The following NME7 variants were observed in gnomAD, a reference collection of about 807,000 sequenced individuals.
NME7 encodes nucleoside diphosphate kinase 7.
A neutral mutation model predicts 49.1 loss-of-function variants in NME7; 41 were observed. That is an observed-to-expected ratio of 0.83 (90% confidence interval 0.65 to 1.08). NME7 has a LOEUF of 1.08. NME7 is among the 50% of genes least tolerant of loss of function. The probability of loss-of-function intolerance (pLI) is 0.00; values close to 1 mark genes in which losing one functional copy is unlikely to be tolerated. For synonymous variants in NME7, 139 were observed against 150.6 expected (o/e 0.92, Z 0.56); for missense variants, 423 against 463.4 (o/e 0.91, Z 0.80).
chr1:169,327,283 G>C (rs977251179), intron 1 of NME7, among the ~76,000 whole-genome samples: 3 of 152,136 alleles, frequency 2.0e-5, no homozygotes, highest in African/African-American at 7.2e-5. Flanking sequence ...TCTATCAAAA[G>C]TACTTTATGA....
intron 10 of NME7, among the ~76,000 whole-genome samples, chr1:169,212,404 C>T (rs889768116): frequency 6.6e-6 from 1 of 151,958 alleles, no homozygotes; most frequent in Non-Finnish European, 1.5e-5. Flanking sequence ...AATTTACCTA[C>T]TCACTGAAAT....
intron 9 of NME7, 145 bp downstream of exon 9, chr1:169,234,986 T>C (rs987194859): frequency 2.0e-5 from 8 of 409,320 alleles, no homozygotes; most frequent in East Asian, 1.5e-4. Flanking sequence ...ACCTAGGTCG[T>C]TGACACAGAA....
intron 11 of NME7, among the ~76,000 whole-genome samples, chr1:169,134,256 G>C (rs1298666056): frequency 1.3e-5 from 2 of 152,154 alleles, no homozygotes; most frequent in African/African-American, 4.8e-5. Flanking sequence ...TCATATTCTA[G>C]TGTTAACCAT....
intron 11 of NME7, among the ~76,000 whole-genome samples, chr1:169,151,620 C>T (rs1027072134): frequency 1.1e-4 from 16 of 152,206 alleles, no homozygotes; most frequent in African/African-American, 3.4e-4. Flanking sequence ...ATGATCCTTC[C>T]ACCAGGCCAG....
chr1:169,305,149 G>A (rs1199508002), intron 4 of NME7, among the ~76,000 whole-genome samples: 1 of 152,180 alleles, frequency 6.6e-6, no homozygotes. Flanking sequence ...AAACCACGAT[G>A]AGAGTTCATA....
chr1:169,272,817 G>T (rs1379433363), intron 7 of NME7, among the ~76,000 whole-genome samples: 3 of 131,248 alleles, frequency 2.3e-5, no homozygotes, highest in Non-Finnish European at 5.4e-5. Context: ...ACCCAGTAAT[G>T]GCATTGCTGG....
At chr1:169,194,835 G>A (rs1660330158) in intron 10 of NME7, among the ~76,000 whole-genome samples, 1 of 152,174 alleles carries the variant, frequency 6.6e-6, no homozygotes, top group Non-Finnish European at 1.5e-5. Context: ...AGGATACTTA[G>A]GCAAATATCC....
chr1:169,282,619 A>C (rs747451179), intron 7 of NME7, among the ~76,000 whole-genome samples: 4 of 152,114 alleles, frequency 2.6e-5, no homozygotes, highest in Admixed American at 6.5e-5. Context: ...GACTACTTTA[A>C]ATGTGTCCCT....
At chr1:169,257,062 C>T (rs544608852) in intron 7 of NME7, among the ~76,000 whole-genome samples, 2 of 134,338 alleles carry the variant, frequency 1.5e-5, no homozygotes, top group Middle Eastern at 3.9e-3. Context: ...CAGAGGCAGG[C>T]AGGCCTCCTT....
At chr1:169,199,494 T>G (rs558131396) in intron 10 of NME7, among the ~76,000 whole-genome samples, 1 of 146,578 alleles carries the variant, frequency 6.8e-6, no homozygotes, top group Admixed American at 7.0e-5. Flanking sequence ...TTATTATTAT[T>G]TTTAAATTGA....
chr1:169,303,050 G>T, intron 5 of NME7, 95 bp downstream of exon 5: 2 of 773,418 alleles, frequency 2.6e-6, no homozygotes, highest in Admixed American at 2.2e-5. Flanking sequence ...CCTTTTGACA[G>T]ATTATTCTCA....
chr1:169,232,883 C>CT (rs1381809251), intron 9 of NME7, among the ~76,000 whole-genome samples: 4 of 119,722 alleles, frequency 3.3e-5, no homozygotes, highest in Non-Finnish European at 5.5e-5. Context: ...CTTTATTTTT[C>CT]TTTTTTTTCC....
chr1:169,156,781 G>T (rs1659088474), intron 11 of NME7, among the ~76,000 whole-genome samples: 1 of 152,174 alleles, frequency 6.6e-6, no homozygotes, highest in Non-Finnish European at 1.5e-5. Context: ...GAGGGAATGT[G>T]AAATTGCTCC....
At chr1:169,216,665 G>A (rs948216479) in intron 10 of NME7, among the ~76,000 whole-genome samples, 5 of 152,210 alleles carry the variant, frequency 3.3e-5, no homozygotes, top group Admixed American at 3.3e-4. Context: ...AACAATCTGG[G>A]AATTGCAATT....
intron 7 of NME7, among the ~76,000 whole-genome samples, chr1:169,254,732 C>T (rs1245171993): frequency 4.4e-4 from 63 of 143,860 alleles, no homozygotes; most frequent in African/African-American, 1.0e-3. Flanking sequence ...CACACTGCTT[C>T]GAATGTGTCC....
intron 1 of NME7, among the ~76,000 whole-genome samples, chr1:169,341,433 C>A (rs1165996069): frequency 6.6e-6 from 1 of 152,310 alleles, no homozygotes. Context: ...TGGGGCAGAG[C>A]CCTCATGGAG....
intron 11 of NME7, among the ~76,000 whole-genome samples, chr1:169,164,140 G>C (rs1023761859): frequency 2.0e-5 from 3 of 151,826 alleles, no homozygotes; most frequent in Admixed American, 6.6e-5. Context: ...AGAATCTCTG[G>C]GGGTGAGTCT....
intron 7 of NME7, among the ~76,000 whole-genome samples, chr1:169,283,553 C>T (rs1201235079): frequency 1.3e-5 from 2 of 152,110 alleles, no homozygotes; most frequent in East Asian, 1.9e-4. Context: ...ATGTTCTTTA[C>T]AATTTGGTAT....
chr1:169,333,972 C>A (rs1344940661), intron 1 of NME7, among the ~76,000 whole-genome samples: 2 of 152,158 alleles, frequency 1.3e-5, no homozygotes, highest in Non-Finnish European at 2.9e-5. Flanking sequence ...ATGTACATTG[C>A]ATTTTTGTAA....
Sources: gnomAD v4.1 joint callset for allele counts (sites outside exome capture counted in the v4.1 genomes callset) on GRCh38, gnomAD v4.1.1 for gene constraint, MANE v1.5 for transcripts, NCBI Gene and HGNC (gene_info 2026-07-23, HGNC 2026-07-21) for gene names.